MB21D2: variants seen among roughly 807,000 people sequenced by gnomAD.
MB21D2 encodes nucleotidyltransferase MB21D2.
MB21D2 carries 9 observed loss-of-function variants against 33.3 expected under a neutral mutation model. The ratio of observed to expected loss-of-function variants is 0.27; its 90% CI spans 0.16 to 0.47. The LOEUF (loss-of-function observed/expected upper bound fraction) is 0.47. Ranked by LOEUF, MB21D2 falls within the 20% of genes least tolerant of loss-of-function variation. The probability of loss-of-function intolerance (pLI) is 0.99; values close to 1 mark genes in which losing one functional copy is unlikely to be tolerated. For missense variants in MB21D2, 540 were observed against 624.6 expected (o/e 0.86, Z 1.44); for synonymous variants, 241 against 236.3 (o/e 1.02, Z -0.18).
Position 192,804,426 on chromosome 3 carries a change from TACACACACAC to T in MB21D2, c.212-4786_212-4777del, listed in dbSNP as rs10552964. 1.0e-3 allele frequency among the ~76,000 whole-genome samples: 152 copies of T among 147,162 alleles called. 1 individual carries two copies. Among genetic ancestry groups the T allele is most frequent in the African/African-American group, 2.6e-3 (106 of 40,212 alleles). ...CCTGTATAGACTTCTTTAAAACAGA[TACACACACAC>T]ACACACACACACACACACACACACA... is the stretch of plus-strand genomic sequence containing the variant. On this transcript the variant is annotated intron_variant, in intron 1 of 1. Transcript: ENST00000392452.
intron 1 of MB21D2, among the ~76,000 whole-genome samples, chr3:192,878,386 T>C (rs751610015): frequency 2.0e-5 from 3 of 152,180 alleles, no homozygotes; most frequent in Non-Finnish European, 4.4e-5. Flanking sequence ...TCTCTCCCCT[T>C]AGAGAGAAAA....
intron 1 of MB21D2, among the ~76,000 whole-genome samples, chr3:192,816,999 T>C (rs1219951375): frequency 1.3e-5 from 2 of 152,246 alleles, no homozygotes; most frequent in Non-Finnish European, 1.5e-5. Flanking sequence ...TGTAATTGTA[T>C]TTTTAAAATC....
At chr3:192,823,903 C>T (rs1712112400) in intron 1 of MB21D2, among the ~76,000 whole-genome samples, 1 of 152,072 alleles carries the variant, frequency 6.6e-6, no homozygotes, top group Non-Finnish European at 1.5e-5. Flanking sequence ...AGCAGAAATA[C>T]TTCTATCTGA....
chr3:192,897,711 G>C (rs1341572826), intron 1 of MB21D2, among the ~76,000 whole-genome samples: 1 of 152,140 alleles, frequency 6.6e-6, no homozygotes, highest in African/African-American at 2.4e-5. Context: ...AAAACCAAAG[G>C]CCGGGCATGG....
At chr3:192,802,970 T>C (rs1486116775) in intron 1 of MB21D2, among the ~76,000 whole-genome samples, 1 of 152,242 alleles carries the variant, frequency 6.6e-6, no homozygotes. Flanking sequence ...TATATGCTTT[T>C]GTCCTGGACA....
At chr3:192,828,651 T>C (rs556986813) in intron 1 of MB21D2, among the ~76,000 whole-genome samples, 3,087 of 48,630 alleles carry the variant, frequency 0.063, 596 homozygotes, top group Non-Finnish European at 0.072. Context: ...TATATATATA[T>C]ATATATATAT....
At chr3:192,805,033 G>A (rs1015940302) in intron 1 of MB21D2, among the ~76,000 whole-genome samples, 1 of 152,142 alleles carries the variant, frequency 6.6e-6, no homozygotes, top group Admixed American at 6.5e-5. Context: ...ACTCATGTGG[G>A]GTCATACGGC....
intron 1 of MB21D2, among the ~76,000 whole-genome samples, chr3:192,907,407 T>C (rs1000029031): frequency 5.9e-5 from 9 of 152,172 alleles, no homozygotes; most frequent in Non-Finnish European, 1.3e-4. Context: ...TCTGCGACTA[T>C]AGAATCAACC....
intron 1 of MB21D2, among the ~76,000 whole-genome samples, chr3:192,882,184 G>A (rs541017120): frequency 6.6e-6 from 1 of 151,944 alleles, no homozygotes; most frequent in African/African-American, 2.4e-5. Flanking sequence ...AGAGTGCAAT[G>A]GCACAATCTT....
intron 1 of MB21D2, among the ~76,000 whole-genome samples, chr3:192,909,620 C>T (rs952845336): frequency 9.2e-5 from 14 of 151,916 alleles, no homozygotes; most frequent in African/African-American, 2.9e-4. Flanking sequence ...TCCATGGACC[C>T]AGGTTAGGGA....
chr3:192,860,437 T>C (rs1178427759), intron 1 of MB21D2, among the ~76,000 whole-genome samples: 3 of 152,218 alleles, frequency 2.0e-5, no homozygotes, highest in African/African-American at 7.2e-5. Context: ...GGGAAACAAG[T>C]ATATTTCAAA....
intron 1 of MB21D2, among the ~76,000 whole-genome samples, chr3:192,832,898 A>G (rs1166122544): frequency 6.6e-6 from 1 of 152,184 alleles, no homozygotes; most frequent in African/African-American, 2.4e-5. Flanking sequence ...TTTTTTGCAT[A>G]GACTGCCAGG....
At chr3:192,842,479 T>C (rs569697400) in intron 1 of MB21D2, among the ~76,000 whole-genome samples, 1 of 152,380 alleles carries the variant, frequency 6.6e-6, no homozygotes, top group South Asian at 2.1e-4. Context: ...GTAGACGTTA[T>C]AGACACAAAA....
intron 1 of MB21D2, among the ~76,000 whole-genome samples, chr3:192,820,833 C>T (rs1453676003): frequency 6.6e-6 from 1 of 152,138 alleles, no homozygotes; most frequent in African/African-American, 2.4e-5. Context: ...GGTGTGATCA[C>T]GGCTCACTCC....
chr3:192,916,121 T>TATATATATATATATATATATATATATAG, intron 1 of MB21D2, among the ~76,000 whole-genome samples: 1 of 149,208 alleles, frequency 6.7e-6, no homozygotes, highest in Admixed American at 6.7e-5. Context: ...TATATATATA[T>TATATATATATATATATATATATATATAG]TTAATTCATC....
chr3:192,870,698 T>TAAAAAAAA (rs1475669309), intron 1 of MB21D2, among the ~76,000 whole-genome samples: 1 of 22,016 alleles, frequency 4.5e-5, no homozygotes, highest in African/African-American at 7.7e-4. Context: ...GCGACTCCGT[T>TAAAAAAAA]GAAAAAAAAA....
intron 1 of MB21D2, among the ~76,000 whole-genome samples, chr3:192,861,225 T>C (rs1401714610): frequency 2.0e-5 from 3 of 152,196 alleles, no homozygotes; most frequent in Non-Finnish European, 2.9e-5. Flanking sequence ...CGGTTCTCAA[T>C]CCTTCGAGTT....
chr3:192,815,033 A>AT (rs2108613881), intron 1 of MB21D2, among the ~76,000 whole-genome samples: 1 of 152,322 alleles, frequency 6.6e-6, no homozygotes, highest in South Asian at 2.1e-4. Flanking sequence ...CTAGCCAGAA[A>AT]TTATTAACCA....
chr3:192,801,853 AT>A (rs1711568543), intron 1 of MB21D2, among the ~76,000 whole-genome samples: 2 of 152,152 alleles, frequency 1.3e-5, no homozygotes, highest in African/African-American at 4.8e-5. Context: ...TTAAAATCCT[AT>A]TTTCCAAACC....
Sources: gnomAD v4.1 joint callset for allele counts (sites outside exome capture counted in the v4.1 genomes callset) on GRCh38, gnomAD v4.1.1 for gene constraint, MANE v1.5 for transcripts, NCBI Gene and HGNC (gene_info 2026-07-23, HGNC 2026-07-21) for gene names.